The following KIF13A variants were observed in gnomAD, a reference collection of about 807,000 sequenced individuals.
KIF13A encodes kinesin family member 13A, also known as kinesin-like protein KIF13A.
KIF13A carries 79 observed loss-of-function variants against 212.2 expected under a neutral mutation model. The ratio of observed to expected loss-of-function variants is 0.37; its 90% CI spans 0.31 to 0.45. KIF13A has a LOEUF of 0.45. Ranked by LOEUF, KIF13A falls within the 20% of genes least tolerant of loss-of-function variation. The pLI, the probability that KIF13A is intolerant of heterozygous loss-of-function variation, is 1.00. For missense variants in KIF13A, 1,901 were observed against 2,209.0 expected, an observed-to-expected ratio of 0.86 and a Z score of 2.79; for synonymous variants, 789 against 808.6, an observed-to-expected ratio of 0.98 and a Z score of 0.41.
intron 18 of KIF13A, 30 bp downstream of exon 18, chr6:17,808,738 C>T: frequency 6.3e-7 from 1 of 1,597,692 alleles, no homozygotes; most frequent in Non-Finnish European, 8.5e-7. Flanking sequence ...TATTGTGCAT[C>T]TTGCCCTCTC....
In KIF13A at chr6:17,961,411, T is replaced by C. The variant is rs746526928; in HGVS notation, c.146+25643A>G. 1.3e-5 allele frequency among the ~76,000 whole-genome samples: 2 copies of C among 152,188 alleles called. No homozygotes were observed. The highest frequency in any genetic ancestry group is 2.1e-4 in the South Asian group (1 of 4,832). On this transcript the variant is annotated intron_variant, in intron 2 of 38. Transcript: ENST00000259711. The surrounding 1 kb of genome is among the most constrained non-coding windows in gnomAD (Gnocchi z 4.1). The stretch of plus-strand genomic sequence containing the variant: ...AAAGGGACCTAAAACCACCCCAAAA[T>C]TGGCCCAACAAGCACCAAGCATATT...
rs1233295967 is a variant in KIF13A at position 17,912,932 on chromosome 6, T to C, written c.147-14752A>G. On this transcript the variant is annotated intron_variant, in intron 2 of 38. Coordinates refer to ENST00000259711, the MANE Select transcript of KIF13A (RefSeq NM_022113.6). This position sits in a 1 kb window ranked among gnomAD's most constrained non-coding sequence, Gnocchi z 4.2. ...CTGAAACTTCAGACTTCCTTATATC[T>C]AATCTTTTTATTTTTCTAATTATTT... Among the ~76,000 whole-genome samples the C allele has an allele frequency of 1.3e-5, 2 of 151,964 alleles. No individual in the cohort carries two copies. The highest frequency in any genetic ancestry group is 4.8e-5 in the African/African-American group (2 of 41,414).
chr6:17,835,195 C>CAAAAAAA lies in KIF13A; in HGVS notation c.1156-1131_1156-1125dup. Among the ~76,000 whole-genome samples the CAAAAAAA allele has an allele frequency of 9.4e-4, 43 of 45,944 alleles. 2 individuals are homozygous for CAAAAAAA. The highest frequency in any genetic ancestry group is 2.1e-3 in the South Asian group (2 of 938). 30.1% of individuals were successfully genotyped at this position (45,944 alleles called of 152,430 possible). On this transcript the variant is annotated intron_variant, in intron 11 of 38. Transcript: ENST00000259711. The stretch of plus-strand genomic sequence containing the variant: ...AGAGACTCTGTCCACCCGCCCCCGC[C>CAAAAAAA]AAAAAAAAAAAAAAAAAAAAAAAAA...
chr6:17,972,827 G>C (rs1435735798), intron 2 of KIF13A, among the ~76,000 whole-genome samples: 1 of 94,574 alleles, frequency 1.1e-5, no homozygotes, highest in Non-Finnish European at 2.0e-5. Context: ...CTTTGAGAGA[G>C]AGTGAGAAAA....
At chr6:17,927,426 G>A (rs1433299187) in intron 2 of KIF13A, among the ~76,000 whole-genome samples, 1 of 152,198 alleles carries the variant, frequency 6.6e-6, no homozygotes, top group East Asian at 1.9e-4. Context: ...AACACTGTAT[G>A]ATTCTACTTA....
chr6:17,808,466 T>C (rs1170840940), intron 18 of KIF13A, among the ~76,000 whole-genome samples: 1 of 152,158 alleles, frequency 6.6e-6, no homozygotes, highest in Non-Finnish European at 1.5e-5. Context: ...AAGGGGCATT[T>C]ACATGCAAAA....
At chr6:17,865,749 A>T (rs1769302672) in intron 4 of KIF13A, among the ~76,000 whole-genome samples, 1 of 152,184 alleles carries the variant, frequency 6.6e-6, no homozygotes, top group South Asian at 2.1e-4. Flanking sequence ...AGAAAAGTCT[A>T]CCATTGAGGT....
intron 12 of KIF13A, among the ~76,000 whole-genome samples, chr6:17,831,438 C>T (rs1359025977): frequency 2.0e-5 from 3 of 151,810 alleles, no homozygotes; most frequent in African/African-American, 7.3e-5. Flanking sequence ...ATGAACCAGA[C>T]ACCATTTTGG....
chr6:17,804,395 T>C lies in KIF13A; in HGVS notation c.2420A>G (p.Gln807Arg). Residue 807 changes from glutamine to arginine, a missense_variant, in exon 20 of 39, where the codon CAG (glutamine) becomes CGG (arginine). By Grantham distance (43) the Gln-to-Arg change is conservative. This residue lies in a region of KIF13A where 534 missense variants were observed against 536.9 expected (regional missense o/e 0.99). Coordinates refer to ENST00000259711, the MANE Select transcript of KIF13A (RefSeq NM_022113.6). The stretch of plus-strand genomic sequence containing the variant: ...CTGGCTGATGATAGGGACTGCATAC[T>C]GAAGTTTCACATCACAGAAGAGGCA... Reference protein sequence around the residue: ...LECLFCDVKLQYAVPIISQQG... With the variant: ...LECLFCDVKLRYAVPIISQQG... The C allele has an allele frequency of 1.3e-6, 2 of 1,554,042 alleles. No homozygotes were observed. The highest frequency in any genetic ancestry group is 1.7e-6 in the Non-Finnish European group (2 of 1,148,028).
At chr6:17,975,152 T>G (rs1356359531) in intron 2 of KIF13A, among the ~76,000 whole-genome samples, 1 of 152,104 alleles carries the variant, frequency 6.6e-6, no homozygotes, top group Non-Finnish European at 1.5e-5. Context: ...AAGGCCAGCC[T>G]GGCCAACATA....
chr6:17,898,874 T>C lies in KIF13A; in HGVS notation c.147-694A>G, dbSNP rs1772810242. Among the ~76,000 whole-genome samples the C allele has an allele frequency of 6.6e-6, 1 of 152,212 alleles. No individual in the cohort carries two copies. Among genetic ancestry groups the C allele is most frequent in the African/African-American group, 2.4e-5 (1 of 41,450 alleles). Reference sequence around the variant, plus strand: ...CTCCAGAGATGGGGTCTCACTTGGTTGTTCAGGATGGAGTGCAGTGATGTG... The same window carrying C: ...CTCCAGAGATGGGGTCTCACTTGGTCGTTCAGGATGGAGTGCAGTGATGTG... On this transcript the variant is annotated intron_variant, in intron 2 of 38. Transcript: ENST00000259711. This position sits in a 1 kb window ranked among gnomAD's most constrained non-coding sequence, Gnocchi z 5.2.
chr6:17,837,762 G>GC lies in KIF13A; in HGVS notation c.831-180dup, dbSNP rs1288459074. Among the ~76,000 whole-genome samples, 1 of 151,854 alleles carries GC rather than the reference G, an allele frequency of 6.6e-6. No individual in the cohort carries two copies. The highest frequency in any genetic ancestry group is 1.5e-5 in the Non-Finnish European group (1 of 67,946). On this transcript the variant is annotated intron_variant, in intron 9 of 38. Transcript: ENST00000259711. The surrounding 1 kb of genome is among the most constrained non-coding windows in gnomAD (Gnocchi z 5.4). ...AGGCCAGGGGTTTGAGACCACCCTGGCCAACATGGTGAAACTCTGTCTCTA... is the reference window on the plus strand; with the variant it reads ...AGGCCAGGGGTTTGAGACCACCCTGGCCCAACATGGTGAAACTCTGTCTCTA...
chr6:17,973,079 G>T (rs1779962975), intron 2 of KIF13A, among the ~76,000 whole-genome samples: 1 of 152,186 alleles, frequency 6.6e-6, no homozygotes, highest in South Asian at 2.1e-4. Context: ...TATTGGAGAT[G>T]AACTGGAGTT....
intron 2 of KIF13A, among the ~76,000 whole-genome samples, chr6:17,976,994 C>T (rs12216504): frequency 0.12 from 18,758 of 151,040 alleles, 1,334 homozygotes; most frequent in East Asian, 0.18. Flanking sequence ...ACCAGCTACT[C>T]GGGAGGCTGA....
intron 3 of KIF13A, among the ~76,000 whole-genome samples, chr6:17,879,364 G>A (rs1770856962): frequency 6.6e-6 from 1 of 152,164 alleles, no homozygotes; most frequent in Non-Finnish European, 1.5e-5. Flanking sequence ...CATATTACCA[G>A]GGGAAGGAGT....
At chr6:17,858,148 A>C (rs1176827576) in intron 4 of KIF13A, among the ~76,000 whole-genome samples, 3 of 151,358 alleles carry the variant, frequency 2.0e-5, no homozygotes, top group Non-Finnish European at 3.0e-5. Context: ...TGTGAGAGAG[A>C]GAGATCTACA....
At chr6:17,827,590 T>G (rs1407026858) in intron 14 of KIF13A, among the ~76,000 whole-genome samples, 2 of 151,490 alleles carry the variant, frequency 1.3e-5, no homozygotes, top group East Asian at 1.9e-4. Context: ...TGACCATGGC[T>G]CACTGTAGCC....
intron 3 of KIF13A, among the ~76,000 whole-genome samples, chr6:17,890,414 T>TGAG (rs1446764945): frequency 6.6e-6 from 1 of 152,098 alleles, no homozygotes; most frequent in Non-Finnish European, 1.5e-5. Flanking sequence ...CCAGATATTC[T>TGAG]GAGGCCACCT....
intron 17 of KIF13A, chr6:17,812,343 C>G (rs1763500843): frequency 6.6e-6 from 1 of 152,030 alleles, no homozygotes; most frequent in African/African-American, 2.4e-5. Context: ...TCTCCCTCCT[C>G]CTCCCACAGG....
Sources: allele counts gnomAD v4.1 joint callset (sites outside exome capture counted in the v4.1 genomes callset), GRCh38; gene constraint gnomAD v4.1.1; regional missense constraint gnomAD v4.1.1; non-coding constraint Gnocchi (gnomAD v3.1); transcripts MANE v1.5; gene names NCBI Gene and HGNC (gene_info 2026-07-23, HGNC 2026-07-21).